LDLRAD3: variants seen among roughly 807,000 people sequenced by gnomAD.
LDLRAD3 encodes low-density lipoprotein receptor class A domain-containing protein 3.
In LDLRAD3, 20 loss-of-function variants were observed where a neutral mutation model predicts 29.4. The observed-to-expected ratio is 0.68, with a 90% CI of 0.48 to 0.99. The LOEUF is 0.99. Among genes scored for constraint, LDLRAD3 ranks in the 50% least tolerant of loss-of-function variants. LDLRAD3 has a pLI of 0.00. For missense variants in LDLRAD3, 420 were observed against 454.3 expected (o/e 0.92, Z 0.69); for synonymous variants, 157 against 192.7 (o/e 0.81, Z 1.53).
At chr11:36,050,883 G>A (rs971507063) in intron 2 of LDLRAD3, among the ~76,000 whole-genome samples, 1 of 152,176 alleles carries the variant, frequency 6.6e-6, no homozygotes, top group Non-Finnish European at 1.5e-5. Context: ...TTTGGTGAGG[G>A]CTCGCGTCCT....
intron 1 of LDLRAD3, among the ~76,000 whole-genome samples, chr11:35,987,330 G>A (rs1321987899): frequency 6.6e-6 from 1 of 152,184 alleles, no homozygotes; most frequent in Admixed American, 6.5e-5. Flanking sequence ...AGATGCTAGG[G>A]TTTGGGGCAT....
chr11:36,168,164 C>G (rs1031140083), intron 4 of LDLRAD3, among the ~76,000 whole-genome samples: 1 of 152,216 alleles, frequency 6.6e-6, no homozygotes, highest in Non-Finnish European at 1.5e-5. Flanking sequence ...ATGGACCCCA[C>G]TGGGATTGCT....
At chr11:36,121,585 G>C (rs1200267278) in intron 4 of LDLRAD3, among the ~76,000 whole-genome samples, 1 of 152,194 alleles carries the variant, frequency 6.6e-6, no homozygotes, top group Non-Finnish European at 1.5e-5. Flanking sequence ...TTATGGTTCG[G>C]GAAAATAATT....
At chr11:36,210,767 T>C (rs907121543) in intron 4 of LDLRAD3, among the ~76,000 whole-genome samples, 4 of 152,184 alleles carry the variant, frequency 2.6e-5, no homozygotes, top group African/African-American at 9.7e-5. Flanking sequence ...CAAGAACAGA[T>C]AGATTTTTAA....
intron 4 of LDLRAD3, among the ~76,000 whole-genome samples, chr11:36,200,302 C>T (rs761967020): frequency 6.6e-6 from 1 of 152,194 alleles, no homozygotes; most frequent in Non-Finnish European, 1.5e-5. Flanking sequence ...GGCTTATAGA[C>T]AGCCAGCTTT....
At chr11:36,043,717 G>T (rs568288301) in intron 2 of LDLRAD3, among the ~76,000 whole-genome samples, 2 of 152,302 alleles carry the variant, frequency 1.3e-5, no homozygotes, top group East Asian at 3.9e-4. Flanking sequence ...TGGCTTTCTC[G>T]TATGAGTGAG....
At chr11:36,098,569 T>C in intron 4 of LDLRAD3, 108 bp downstream of exon 4, 2 of 1,339,926 alleles carry the variant, frequency 1.5e-6, no homozygotes, top group Admixed American at 2.0e-5. Flanking sequence ...ACACAATAGC[T>C]CTGTTAGTTT....
chr11:36,145,426 T>G, intron 4 of LDLRAD3, among the ~76,000 whole-genome samples: 3 of 107,634 alleles, frequency 2.8e-5, no homozygotes, highest in South Asian at 3.3e-4. Context: ...ATCCGGGAGG[T>G]GAGGGGCGCC....
At chr11:35,975,895 G>A (rs1851469371) in intron 1 of LDLRAD3, among the ~76,000 whole-genome samples, 1 of 151,062 alleles carries the variant, frequency 6.6e-6, no homozygotes, top group Admixed American at 6.6e-5. Flanking sequence ...GTGTTTGGAT[G>A]TGCTGATGGT....
chr11:36,196,843 C>T (rs1252215262), intron 4 of LDLRAD3: 1 of 152,188 alleles, frequency 6.6e-6, no homozygotes, highest in Non-Finnish European at 1.5e-5. Context: ...CCTCATGCGA[C>T]ATACAAGGCT....
In LDLRAD3 at chr11:36,183,641, T is replaced by C. The variant is rs1314346450; in HGVS notation, c.455-43444T>C. On this transcript the variant is annotated intron_variant, in intron 4 of 5. Coordinates refer to ENST00000315571, the MANE Select transcript of LDLRAD3 (RefSeq NM_174902.4). Reference sequence around the variant, plus strand: ...TATTGCATGTTCCTGGGACTCAACCTAGTCTGAAGAATCAAAAGAGTGGTA... The same window carrying C: ...TATTGCATGTTCCTGGGACTCAACCCAGTCTGAAGAATCAAAAGAGTGGTA... 4.0e-5 allele frequency among the ~76,000 whole-genome samples: 6 copies of C among 151,542 alleles called. No individual in the cohort carries two copies. The East Asian group carries it at 1.2e-3, about 30-fold the overall frequency.
At chr11:36,168,508 T>C (rs1031346983) in intron 4 of LDLRAD3, among the ~76,000 whole-genome samples, 2 of 149,800 alleles carry the variant, frequency 1.3e-5, no homozygotes, top group African/African-American at 4.9e-5. Flanking sequence ...CTTTTTTTTT[T>C]TTTTTTTTTT....
In LDLRAD3 at chr11:35,944,484, G is replaced by C. The variant is rs922331776; in HGVS notation, c.46+340G>C. On this transcript the variant is annotated intron_variant, in intron 1 of 5. Transcript: ENST00000315571. This position sits in a 1 kb window ranked among gnomAD's most constrained non-coding sequence, Gnocchi z 4.9. ...TGTGTGTTGTGTGTGTTGAGGAACG[G>C]AGGCGGGGAAAGGAAAGGAGAGGAG... is the stretch of plus-strand genomic sequence containing the variant. Among the ~76,000 whole-genome samples, 17 of 150,390 alleles carry C rather than the reference G, an allele frequency of 1.1e-4. No homozygotes were observed. The highest frequency in any genetic ancestry group is 2.2e-4 in the Non-Finnish European group (15 of 67,902).
intron 4 of LDLRAD3, among the ~76,000 whole-genome samples, chr11:36,117,730 A>G (rs1395951623): frequency 3.3e-5 from 5 of 152,238 alleles, no homozygotes; most frequent in Non-Finnish European, 7.3e-5. Context: ...CTCTGCTCTG[A>G]TTCAGGAGCA....
chr11:36,116,287 G>T (rs1033287964), intron 4 of LDLRAD3, among the ~76,000 whole-genome samples: 5 of 152,144 alleles, frequency 3.3e-5, no homozygotes, highest in African/African-American at 1.2e-4. Context: ...GCTGACAAGG[G>T]TTTTCTTTTT....
At chr11:36,073,966 G>A (rs72638202) in intron 2 of LDLRAD3, among the ~76,000 whole-genome samples, 3,473 of 152,232 alleles carry the variant, frequency 0.023, 84 homozygotes, top group East Asian at 0.1. Flanking sequence ...CTTCACTTCT[G>A]GACCTCAGTT....
chr11:36,024,694 G>T (rs1260322155), intron 1 of LDLRAD3, among the ~76,000 whole-genome samples: 1 of 152,186 alleles, frequency 6.6e-6, no homozygotes, highest in South Asian at 2.1e-4. Flanking sequence ...ACTGTGCTCT[G>T]TGCCTTTGGC....
At chr11:36,223,979 TTAA>T (rs1306019998) in intron 4 of LDLRAD3, among the ~76,000 whole-genome samples, 1 of 151,604 alleles carries the variant, frequency 6.6e-6, no homozygotes, top group Non-Finnish European at 1.5e-5. Flanking sequence ...TGTGTGAACG[TTAA>T]TAATGTGTAT....
rs1355282742 is a variant in LDLRAD3, at chr11:36,156,644, C to T, written c.454+58183C>T. Among the ~76,000 whole-genome samples, 3 of 152,246 alleles carry T rather than the reference C, an allele frequency of 2.0e-5. No individual in the cohort carries two copies. In the East Asian group the frequency reaches 5.8e-4, roughly 29 times the overall value. On this transcript the variant is annotated intron_variant, in intron 4 of 5. Transcript: ENST00000315571. Reference sequence around the variant, plus strand: ...AAATGACTGTCTCAACACTCACACCCTGATGTGGCATTATTTGGCAACAAT... The same window carrying T: ...AAATGACTGTCTCAACACTCACACCTTGATGTGGCATTATTTGGCAACAAT...
Sources: gnomAD v4.1 joint callset for allele counts (sites outside exome capture counted in the v4.1 genomes callset) on GRCh38, gnomAD v4.1.1 for gene constraint, Gnocchi (gnomAD v3.1) non-coding constraint, MANE v1.5 for transcripts, NCBI Gene and HGNC (gene_info 2026-07-23, HGNC 2026-07-21) for gene names.